The following ACSS3 variants were observed in gnomAD, a reference collection of about 807,000 sequenced individuals.
ACSS3 encodes the protein acyl-CoA synthetase short-chain family member 3, mitochondrial.
Under a neutral mutation model 84.2 loss-of-function variants are expected in ACSS3, and 64 were observed. The ratio of observed to expected loss-of-function variants is 0.76; its 90% CI spans 0.62 to 0.94. ACSS3 has a LOEUF of 0.94. Among genes scored for constraint, ACSS3 ranks in the 40% least tolerant of loss-of-function variants. The pLI is 0.00. For synonymous variants in ACSS3, 317 were observed against 310.1 expected (o/e 1.02, Z -0.23); for missense variants, 815 against 867.6 (o/e 0.94, Z 0.76).
intron 11 of ACSS3, among the ~76,000 whole-genome samples, chr12:81,228,155 G>GT (rs1444640173): frequency 6.6e-6 from 1 of 151,824 alleles, no homozygotes; most frequent in African/African-American, 2.4e-5. Flanking sequence ...TTGAACAGAG[G>GT]TTTTAATATT....
intron 11 of ACSS3, among the ~76,000 whole-genome samples, chr12:81,230,333 C>A (rs1355411463): frequency 6.6e-6 from 1 of 151,754 alleles, no homozygotes; most frequent in Non-Finnish European, 1.5e-5. Flanking sequence ...CAGATAGATA[C>A]ATAGTTAGAT....
rs554940657 is a variant in ACSS3, at chr12:81,083,215, G to A, written c.311+4784G>A. 2.0e-5 allele frequency among the ~76,000 whole-genome samples: 3 copies of A among 152,282 alleles called. No individual in the cohort carries two copies. The South Asian group carries it at 6.2e-4, about 32-fold the overall frequency. ...CTTGGAGTAGCAAGCTAAGGCATTT[G>A]CATTTACTTCTTAGGTCACAGCAGG... On this transcript the variant is annotated intron_variant, in intron 1 of 15. Coordinates refer to ENST00000548058, the MANE Select transcript of ACSS3 (RefSeq NM_024560.4).
chr12:81,185,178 C>T (rs2031179328), intron 8 of ACSS3, among the ~76,000 whole-genome samples: 1 of 151,680 alleles, frequency 6.6e-6, no homozygotes, highest in Non-Finnish European at 1.5e-5. Context: ...TAAAAACCTT[C>T]AACAGTTTAG....
intron 1 of ACSS3, among the ~76,000 whole-genome samples, chr12:81,101,494 G>C (rs1882508740): frequency 1.3e-5 from 2 of 151,974 alleles, no homozygotes; most frequent in African/African-American, 2.4e-5. Context: ...CATACTGCTT[G>C]TGCATTTATA....
intron 9 of ACSS3, among the ~76,000 whole-genome samples, chr12:81,212,418 T>C (rs1318910889): frequency 2.0e-5 from 3 of 152,244 alleles, no homozygotes. Flanking sequence ...TTTCTTCCTC[T>C]ACTGAGACAC....
intron 8 of ACSS3, among the ~76,000 whole-genome samples, chr12:81,183,942 C>G (rs951383414): frequency 6.6e-6 from 1 of 151,776 alleles, no homozygotes; most frequent in African/African-American, 2.4e-5. Flanking sequence ...CAAAATTGCC[C>G]TAACAGACAT....
In ACSS3 at chr12:81,130,550, G is replaced by A. The variant is rs188776352; in HGVS notation, c.457-4266G>A. Among the ~76,000 whole-genome samples, 5 of 152,224 alleles carry A rather than the reference G, an allele frequency of 3.3e-5. No homozygotes were observed. The East Asian group carries it at 9.7e-4, about 29-fold the overall frequency. On this transcript the variant is annotated intron_variant, in intron 2 of 15. Coordinates refer to ENST00000548058, the MANE Select transcript of ACSS3 (RefSeq NM_024560.4). The stretch of plus-strand genomic sequence containing the variant: ...TAGCTCTTTGCCAGATGGATAGATT[G>A]CAAAAATTTTCTCACATTCTGTAGG...
At chr12:81,090,940 T>C (rs1228155337) in intron 1 of ACSS3, among the ~76,000 whole-genome samples, 2 of 152,098 alleles carry the variant, frequency 1.3e-5, no homozygotes, top group Non-Finnish European at 2.9e-5. Flanking sequence ...CCTATGCACA[T>C]GCTCCCATAT....
chr12:81,118,026 G>A (rs146607375), intron 2 of ACSS3: 52 of 152,124 alleles, frequency 3.4e-4, no homozygotes, highest in African/African-American at 1.2e-3. Context: ...CTAAGAAATT[G>A]TTTCTGTATA....
At chr12:81,176,977 T>C (rs2030531477) in intron 8 of ACSS3, among the ~76,000 whole-genome samples, 1 of 152,154 alleles carries the variant, frequency 6.6e-6, no homozygotes, top group Admixed American at 6.5e-5. Flanking sequence ...CATGATCAAG[T>C]AGGCTTTACT....
Position 81,174,811 on chromosome 12 carries a change from T to C in ACSS3, c.1122T>C (p.Asp374=). 1 of 1,613,680 alleles carries C rather than the reference T, an allele frequency of 6.2e-7. No homozygotes were observed. Among genetic ancestry groups the C allele is most frequent in the Non-Finnish European group, 8.5e-7 (1 of 1,179,746 alleles). Residue 374 remains aspartate, a synonymous_variant, in exon 8 of 16, where the codon GAT becomes GAC. Coordinates refer to ENST00000548058, the MANE Select transcript of ACSS3 (RefSeq NM_024560.4). ...AGGGGAAGCCTGTGGGAACACCAGA[T>C]GCTGGCGCTTATTTCCGTGTGCTTG... ...LYEGKPVGTP[D]AGAYFRVLAE...
intron 8 of ACSS3, among the ~76,000 whole-genome samples, chr12:81,177,425 C>T (rs2030569453): frequency 6.6e-6 from 1 of 151,836 alleles, no homozygotes; most frequent in East Asian, 1.9e-4. Flanking sequence ...TAGTCTCTGC[C>T]CAAAAGCTCC....
At chr12:81,096,111 C>A (rs1401002753) in intron 1 of ACSS3, among the ~76,000 whole-genome samples, 1 of 152,142 alleles carries the variant, frequency 6.6e-6, no homozygotes, top group African/African-American at 2.4e-5. Flanking sequence ...CAAAATGTTG[C>A]CCTCTTAAAA....
chr12:81,088,168 G>A (rs1280480838), intron 1 of ACSS3, among the ~76,000 whole-genome samples: 2 of 152,006 alleles, frequency 1.3e-5, no homozygotes, highest in African/African-American at 4.8e-5. Flanking sequence ...ATCTACCATG[G>A]CCATTTGGAA....
intron 8 of ACSS3, among the ~76,000 whole-genome samples, chr12:81,185,844 A>C (rs1395798423): frequency 6.6e-6 from 1 of 151,800 alleles, no homozygotes; most frequent in Non-Finnish European, 1.5e-5. Context: ...ACTTCACAGA[A>C]ATAGTAAAAT....
At chr12:81,189,581 A>G (rs2031459605) in intron 8 of ACSS3, among the ~76,000 whole-genome samples, 1 of 152,028 alleles carries the variant, frequency 6.6e-6, no homozygotes, top group Non-Finnish European at 1.5e-5. Context: ...GGAGTTTTTC[A>G]TACTTTATTT....
At chr12:81,246,738 A>G (rs1341575856) in intron 13 of ACSS3, among the ~76,000 whole-genome samples, 3 of 152,242 alleles carry the variant, frequency 2.0e-5, no homozygotes, top group Admixed American at 6.5e-5. Flanking sequence ...TTAAAGTAAC[A>G]TGATTAACAA....
chr12:81,206,000 A>T (rs2032331086), intron 9 of ACSS3, among the ~76,000 whole-genome samples: 1 of 152,100 alleles, frequency 6.6e-6, no homozygotes, highest in African/African-American at 2.4e-5. Flanking sequence ...TGAAGAAAGC[A>T]CATTCTTGGT....
chr12:81,084,840 A>C (rs956513288), intron 1 of ACSS3, among the ~76,000 whole-genome samples: 3 of 152,230 alleles, frequency 2.0e-5, no homozygotes, highest in African/African-American at 7.2e-5. Flanking sequence ...TGTGACTCAG[A>C]GATTCTTGAT....
Sources: allele counts gnomAD v4.1 joint callset (sites outside exome capture counted in the v4.1 genomes callset), GRCh38; gene constraint gnomAD v4.1.1; transcripts MANE v1.5; gene names NCBI Gene and HGNC (gene_info 2026-07-23, HGNC 2026-07-21).